Variants in ARID5B observed in about 807,000 individuals in gnomAD.
ARID5B encodes AT-rich interactive domain-containing protein 5B.
In ARID5B, 13 loss-of-function variants were observed where a neutral mutation model predicts 97.2. The ratio of observed to expected loss-of-function variants is 0.13; its 90% CI spans 0.09 to 0.21. The LOEUF is 0.21. Ranked by LOEUF, ARID5B falls within the 10% of genes least tolerant of loss-of-function variation. ARID5B has a pLI of 1.00. For missense variants in ARID5B, 1,210 were observed against 1,465.3 expected (o/e 0.83, Z 2.84); for synonymous variants, 556 against 570.3 (o/e 0.97, Z 0.36).
intron 7 of ARID5B, among the ~76,000 whole-genome samples, chr10:62,062,543 G>A (rs1350368208): frequency 6.6e-6 from 1 of 152,110 alleles, no homozygotes; most frequent in African/African-American, 2.4e-5. Context: ...GCTTCAGAGT[G>A]TGACCCCTAT....
At chr10:62,090,782 G>A in intron 9 of ARID5B, 80 bp from the exon 10 acceptor site, 2 of 1,491,018 alleles carry the variant, frequency 1.3e-6, no homozygotes, top group Middle Eastern at 2.1e-4. Flanking sequence ...TAAAACTGCT[G>A]TGTGGAATAT....
intron 3 of ARID5B, among the ~76,000 whole-genome samples, chr10:61,974,426 C>G (rs886987671): frequency 2.6e-5 from 4 of 152,160 alleles, no homozygotes; most frequent in African/African-American, 7.2e-5. Context: ...ATCTTTCCCC[C>G]TCTTCCCATT....
At chr10:61,972,569 C>T (rs1589240973) in intron 3 of ARID5B, among the ~76,000 whole-genome samples, 1 of 152,268 alleles carries the variant, frequency 6.6e-6, no homozygotes, top group South Asian at 2.1e-4. Context: ...CTCTTTCACA[C>T]AGTAAATATT....
At chr10:61,914,192 G>A (rs901637587) in intron 2 of ARID5B, among the ~76,000 whole-genome samples, 2 of 152,244 alleles carry the variant, frequency 1.3e-5, no homozygotes, top group East Asian at 3.8e-4. Context: ...TGCTATTTAT[G>A]TTGGCTGAAG....
chr10:62,002,099 G>A (rs1839087041), intron 4 of ARID5B, among the ~76,000 whole-genome samples: 1 of 152,126 alleles, frequency 6.6e-6, no homozygotes, highest in South Asian at 2.1e-4. Flanking sequence ...ATTTAAGAGT[G>A]TTCAAAATTA....
At chr10:61,984,329 G>A (rs1838817778) in intron 3 of ARID5B, among the ~76,000 whole-genome samples, 1 of 152,240 alleles carries the variant, frequency 6.6e-6, no homozygotes, top group Non-Finnish European at 1.5e-5. Flanking sequence ...GCTGAACACA[G>A]CATTTGGCAC....
At chr10:62,072,719 A>G (rs1840080722) in intron 8 of ARID5B, among the ~76,000 whole-genome samples, 2 of 152,264 alleles carry the variant, frequency 1.3e-5, no homozygotes, top group African/African-American at 4.8e-5. Context: ...GCTAACTACC[A>G]AAATTTGAAG....
chr10:61,940,955 A>G (rs1216144819), intron 3 of ARID5B, among the ~76,000 whole-genome samples: 1 of 7,284 alleles, frequency 1.4e-4, no homozygotes, highest in African/African-American at 3.8e-4. Flanking sequence ...ATATATATAT[A>G]TATATATATA....
chr10:61,986,489 A>G (rs1246179168), intron 3 of ARID5B, among the ~76,000 whole-genome samples: 1 of 152,172 alleles, frequency 6.6e-6, no homozygotes, highest in African/African-American at 2.4e-5. Context: ...TATGTCCCCA[A>G]AATGTGATCA....
At chr10:61,986,291 A>C (rs1213132220) in intron 3 of ARID5B, among the ~76,000 whole-genome samples, 1 of 152,156 alleles carries the variant, frequency 6.6e-6, no homozygotes, top group African/African-American at 2.4e-5. Context: ...CCTAAGAGAG[A>C]TTCTAGGAGG....
chr10:61,922,897 A>G (rs1837744831), intron 2 of ARID5B, among the ~76,000 whole-genome samples: 1 of 152,256 alleles, frequency 6.6e-6, no homozygotes, highest in African/African-American at 2.4e-5. Context: ...GGTCTTCAGC[A>G]AAGTGCTCAC....
chr10:61,916,630 G>A (rs985947135), intron 2 of ARID5B, among the ~76,000 whole-genome samples: 5 of 152,124 alleles, frequency 3.3e-5, no homozygotes, highest in African/African-American at 1.2e-4. Context: ...CACTCACCTG[G>A]TGAATGACAG....
chr10:61,927,945 G>C (rs1844136302), intron 2 of ARID5B, among the ~76,000 whole-genome samples: 1 of 152,144 alleles, frequency 6.6e-6, no homozygotes, highest in African/African-American at 2.4e-5. Context: ...ACCTATGCGG[G>C]CTCCATTAAC....
At chr10:61,906,038 C>T (rs963899001) in intron 2 of ARID5B, among the ~76,000 whole-genome samples, 10 of 152,134 alleles carry the variant, frequency 6.6e-5, no homozygotes, top group African/African-American at 2.4e-4. Context: ...ACCATAAGTA[C>T]TTGGAACCTC....
Position 61,987,269 on chromosome 10 carries a change from G to A in ARID5B, c.503-12822G>A, listed in dbSNP as rs115646083. The stretch of plus-strand genomic sequence containing the variant: ...GGAAGAAAGAATGGGTAATAGATCC[G>A]GGAGTAGGATGAGAACAGAGGGACA... On this transcript the variant is annotated intron_variant, in intron 3 of 9. Coordinates refer to ENST00000279873, the MANE Select transcript of ARID5B (RefSeq NM_032199.3). Among the ~76,000 whole-genome samples the A allele has an allele frequency of 9.2e-3, 1,397 of 152,258 alleles. 22 individuals carry two copies. Among genetic ancestry groups the A allele is most frequent in the African/African-American group, 0.032 (1,335 of 41,540 alleles).
At position 61,983,867 on chromosome 10, in the gene ARID5B, C is replaced by CTTTTTTTTTTTTTT. The variant is rs1164342402; in HGVS notation, c.503-16206_503-16193dup. The stretch of plus-strand genomic sequence containing the variant: ...TATATTTTTTAAACCCCCTTTTGTT[C>CTTTTTTTTTTTTTT]TTTTTTTTTTTTTTTTTTTTTTTTT... On this transcript the variant is annotated intron_variant, in intron 3 of 9. Coordinates refer to ENST00000279873, the MANE Select transcript of ARID5B (RefSeq NM_032199.3). Among the ~76,000 whole-genome samples the CTTTTTTTTTTTTTT allele has an allele frequency of 9.1e-4, 25 of 27,590 alleles. 6 individuals are homozygous for CTTTTTTTTTTTTTT. The highest frequency in any genetic ancestry group is 1.1e-3 in the African/African-American group (7 of 6,316). 18.1% of individuals were successfully genotyped at this position (27,590 alleles called of 152,430 possible). A position where few individuals can be genotyped will look rare whatever the true frequency, so the allele number is the denominator to read the frequency against.
intron 8 of ARID5B, among the ~76,000 whole-genome samples, chr10:62,083,009 A>G (rs1339624781): frequency 6.6e-6 from 1 of 151,900 alleles, no homozygotes; most frequent in East Asian, 1.9e-4. Flanking sequence ...TTATCTTTCA[A>G]TGATTTAGAA....
At chr10:61,983,003 G>A (rs1055132668) in intron 3 of ARID5B, among the ~76,000 whole-genome samples, 2 of 152,160 alleles carry the variant, frequency 1.3e-5, no homozygotes, top group Non-Finnish European at 2.9e-5. Flanking sequence ...GGATCTGGTG[G>A]ATCTCAGAGA....
intron 3 of ARID5B, among the ~76,000 whole-genome samples, chr10:61,959,392 C>T (rs564008109): frequency 6.6e-6 from 1 of 152,216 alleles, no homozygotes; most frequent in Non-Finnish European, 1.5e-5. Flanking sequence ...TGTACTACAC[C>T]TAATAGGTTC....
Sources: allele counts gnomAD v4.1 joint callset (sites outside exome capture counted in the v4.1 genomes callset), GRCh38; gene constraint gnomAD v4.1.1; transcripts MANE v1.5; gene names NCBI Gene and HGNC (gene_info 2026-07-23, HGNC 2026-07-21).